Variants in CSMD3 observed in about 807,000 individuals in gnomAD.
CSMD3 encodes CUB and sushi domain-containing protein 3.
CSMD3 carries 177 observed loss-of-function variants against 435.2 expected under a neutral mutation model. That is an observed-to-expected ratio of 0.41 (90% confidence interval 0.36 to 0.46). The LOEUF (loss-of-function observed/expected upper bound fraction) is 0.46, where lower values mean the gene tolerates loss of function less well. Ranked by LOEUF, CSMD3 falls within the 20% of genes least tolerant of loss-of-function variation. CSMD3 has a pLI of 0.34. For synonymous variants in CSMD3, 1,656 were observed against 1,520.5 expected (o/e 1.09, Z -2.07); for missense variants, 4,265 against 4,504.6 (o/e 0.95, Z 1.52).
chr8:112,517,494 T>C (rs1428334317), intron 27 of CSMD3, among the ~76,000 whole-genome samples: 2 of 152,020 alleles, frequency 1.3e-5, no homozygotes, highest in Admixed American at 1.3e-4. Context: ...AGCTTCATAC[T>C]GGGAAAATAT....
intron 22 of CSMD3, among the ~76,000 whole-genome samples, chr8:112,610,960 A>G (rs1326170664): frequency 6.6e-6 from 1 of 152,240 alleles, no homozygotes; most frequent in African/African-American, 2.4e-5. Context: ...CATCATGCAA[A>G]GTACTCAATA....
At position 112,682,513 on chromosome 8, in the gene CSMD3, C is replaced by T. The variant is rs2131785756; in HGVS notation, c.2606G>A (p.Gly869Glu). Residue 869 changes from glycine (G) to glutamate (E), a missense_variant, in exon 16 of 71, where the codon GGA (glycine) becomes GAA (glutamate). Around this residue, in one of 3 missense-constraint regions of CSMD3, gnomAD observed 279 missense variants for 369.0 expected, o/e 0.76. Transcript: ENST00000297405. ...ICEEGFIKTQ[G>E]TETITCILMD... The stretch of plus-strand genomic sequence containing the variant: ...AAGAATACATGTAATTGTTTCTGTT[C>T]CCTGGGTTTTAATAAATCCTTCTTC... 1 of 1,613,622 alleles carries T rather than the reference C, an allele frequency of 6.2e-7. No individual in the cohort carries two copies. Among genetic ancestry groups the T allele is most frequent in the Non-Finnish European group, 8.5e-7 (1 of 1,179,766 alleles).
intron 9 of CSMD3, among the ~76,000 whole-genome samples, chr8:112,943,685 C>T (rs371826531): frequency 1.3e-5 from 2 of 151,594 alleles, no homozygotes; most frequent in African/African-American, 4.8e-5. Context: ...TGGGTGATTT[C>T]CATATCTTAT....
chr8:113,417,885 A>T (rs1417001494), intron 1 of CSMD3, among the ~76,000 whole-genome samples: 4 of 152,086 alleles, frequency 2.6e-5, no homozygotes, highest in African/African-American at 7.2e-5. Flanking sequence ...AATGTATTAT[A>T]AGAAAAGATT....
At chr8:112,270,109 C>CGT (rs1817325147) in intron 59 of CSMD3, among the ~76,000 whole-genome samples, 1 of 152,096 alleles carries the variant, frequency 6.6e-6, no homozygotes, top group African/African-American at 2.4e-5. Context: ...TTCCAACTCA[C>CGT]GTATAGTCTG....
chr8:112,704,350 T>C (rs1010404389), intron 13 of CSMD3, among the ~76,000 whole-genome samples: 2 of 152,134 alleles, frequency 1.3e-5, no homozygotes, highest in African/African-American at 4.8e-5. Context: ...TTTCTTTGAC[T>C]CTAAATATGT....
intron 32 of CSMD3, among the ~76,000 whole-genome samples, chr8:112,448,079 C>T (rs1476453129): frequency 1.3e-5 from 2 of 152,100 alleles, no homozygotes; most frequent in Non-Finnish European, 2.9e-5. Context: ...GTTCAAACAG[C>T]ACCAATCTTT....
intron 35 of CSMD3, among the ~76,000 whole-genome samples, chr8:112,398,063 G>T (rs556143158): frequency 6.6e-6 from 1 of 152,158 alleles, no homozygotes; most frequent in Non-Finnish European, 1.5e-5. Flanking sequence ...GATGAGACAG[G>T]CACGGGACAG....
At chr8:113,401,237 A>G (rs1332307173) in intron 1 of CSMD3, among the ~76,000 whole-genome samples, 2 of 151,748 alleles carry the variant, frequency 1.3e-5, no homozygotes, top group Non-Finnish European at 3.0e-5. Flanking sequence ...TCATAATTCT[A>G]TGAAAGGTAT....
At position 112,809,583 on chromosome 8, in the gene CSMD3, T is replaced by A. The variant is rs544537803; in HGVS notation, c.1860-9309A>T. Among the ~76,000 whole-genome samples, 9 of 152,252 alleles carry A rather than the reference T, an allele frequency of 5.9e-5. No homozygotes were observed. The South Asian group carries it at 1.9e-3, about 32-fold the overall frequency. On this transcript the variant is annotated intron_variant, in intron 12 of 70. Transcript: ENST00000297405. ...TAAGAACCACATTTTATTAAAAAAA[T>A]GTTATTTGTTACACTACTTTTTCTT... is the stretch of plus-strand genomic sequence containing the variant.
chr8:113,353,795 T>G (rs2094204736), intron 1 of CSMD3, among the ~76,000 whole-genome samples: 1 of 152,118 alleles, frequency 6.6e-6, no homozygotes, highest in Admixed American at 6.6e-5. Context: ...TAAATAGTAT[T>G]TTGTGATTTT....
intron 20 of CSMD3, among the ~76,000 whole-genome samples, chr8:112,642,380 G>A (rs907341080): frequency 6.6e-6 from 1 of 152,078 alleles, no homozygotes; most frequent in African/African-American, 2.4e-5. Context: ...TTGTAAATAA[G>A]GAGCAATGTA....
At chr8:113,044,937 A>T (rs1362627782) in intron 5 of CSMD3, among the ~76,000 whole-genome samples, 1 of 149,036 alleles carries the variant, frequency 6.7e-6, no homozygotes, top group Non-Finnish European at 1.5e-5. Context: ...TGCCCAACTG[A>T]CTTGACAAAC....
chr8:112,538,866 T>G (rs1283843427), intron 27 of CSMD3: 1 of 152,044 alleles, frequency 6.6e-6, no homozygotes, highest in Non-Finnish European at 1.5e-5. Flanking sequence ...GAGTGGGGCC[T>G]GTCCTGCACC....
At chr8:112,273,401 T>C (rs572173927) in intron 59 of CSMD3, among the ~76,000 whole-genome samples, 1 of 152,274 alleles carries the variant, frequency 6.6e-6, no homozygotes, top group African/African-American at 2.4e-5. Flanking sequence ...ATGTGCTATG[T>C]TAGCCATACA....
chr8:112,744,575 T>TA (rs1446880954), intron 13 of CSMD3, among the ~76,000 whole-genome samples: 1 of 151,928 alleles, frequency 6.6e-6, no homozygotes, highest in Non-Finnish European at 1.5e-5. Context: ...TCAAATGGAG[T>TA]ACTGAAAGGG....
At chr8:112,957,710 A>C (rs115763344) in intron 7 of CSMD3, among the ~76,000 whole-genome samples, 1,571 of 150,422 alleles carry the variant, frequency 0.01, 21 homozygotes, top group African/African-American at 0.037. Flanking sequence ...GTCCTTCCAA[A>C]GTGCTGGGAA....
intron 41 of CSMD3, among the ~76,000 whole-genome samples, chr8:112,343,013 A>ATT (rs1457311041): frequency 2.2e-5 from 2 of 92,738 alleles, no homozygotes; most frequent in African/African-American, 6.4e-5. Flanking sequence ...ATATATATAT[A>ATT]TATTTATATA....
chr8:112,749,131 T>C (rs754827041), intron 13 of CSMD3, among the ~76,000 whole-genome samples: 1 of 152,108 alleles, frequency 6.6e-6, no homozygotes, highest in Non-Finnish European at 1.5e-5. Flanking sequence ...CGGCCGTATG[T>C]ATGTCTTCTT....
Sources: allele counts gnomAD v4.1 joint callset (sites outside exome capture counted in the v4.1 genomes callset), GRCh38; gene constraint gnomAD v4.1.1; regional missense constraint gnomAD v4.1.1; transcripts MANE v1.5; gene names NCBI Gene and HGNC (gene_info 2026-07-23, HGNC 2026-07-21).